Variants in ZNF480 observed in about 807,000 individuals in gnomAD.
ZNF480 encodes the protein zinc finger protein 480.
A neutral mutation model predicts 14.4 loss-of-function variants in ZNF480; 15 were observed. That is an observed-to-expected ratio of 1.04 (90% confidence interval 0.70 to 1.60). The LOEUF is 1.60. ZNF480 is among the 40% of genes most tolerant of loss of function. ZNF480 has a pLI of 0.00. For synonymous variants in ZNF480, 218 were observed against 215.5 expected, an observed-to-expected ratio of 1.01 and a Z score of -0.10; for missense variants, 593 against 629.7, an observed-to-expected ratio of 0.94 and a Z score of 0.62.
chr19:52,303,418 A>G (rs1982788008), intron 2 of ZNF480, among the ~76,000 whole-genome samples: 2 of 152,210 alleles, frequency 1.3e-5, no homozygotes, highest in Admixed American at 1.3e-4. Flanking sequence ...GTGCCTTTGT[A>G]AGAGGGACAA....
intron 2 of ZNF480, among the ~76,000 whole-genome samples, chr19:52,313,272 G>T (rs1983378937): frequency 1.3e-5 from 2 of 151,510 alleles, no homozygotes; most frequent in Admixed American, 6.6e-5. Context: ...GAGTAGCTGG[G>T]ATTAACAGGT....
Position 52,323,494 on chromosome 19 carries a change from G to C in ZNF480, c.*636G>C, listed in dbSNP as rs1006400497. 1.3e-5 allele frequency: 2 copies of C among 151,938 alleles called. No homozygotes were observed. Among genetic ancestry groups the C allele is most frequent in the African/African-American group, 4.8e-5 (2 of 41,382 alleles). 9.4% of individuals were successfully genotyped at this position (151,938 alleles called of 1,614,324 possible). ...AATACCAAAACCTGACAGGCACAAT[G>C]AAAAAAGAAAACTTCAGGCTGGTAC... On this transcript the variant is annotated 3_prime_UTR_variant, in exon 5 of 5. Coordinates refer to ENST00000595962, the MANE Select transcript of ZNF480 (RefSeq NM_144684.4).
rs148271899 is a variant in ZNF480, at chr19:52,321,975, G to T, written c.725G>T (p.Arg242Leu). 1.2e-5 allele frequency: 20 copies of T among 1,612,154 alleles called. No homozygotes were observed. Among genetic ancestry groups the T allele is most frequent in the Middle Eastern group, 1.6e-4 (1 of 6,082 alleles). ...AATTCATGCGGCAAGGTCTTTAGTC[G>T]CAATTCACACCTTGCAGAACATTGT... ...KCNSCGKVFSRNSHLAEHCRI... is the reference protein window; with the variant it reads ...KCNSCGKVFSLNSHLAEHCRI... The change falls in exon 5 of 5, where the codon CGC becomes CTC. Residue 242 changes from arginine (R) to leucine (L), a missense_variant. Transcript: ENST00000595962.
In ZNF480 at chr19:52,322,227, A is replaced by G. The variant is rs753477467; in HGVS notation, c.977A>G (p.His326Arg). ...KCNECGKGFS[H>R]KSSLANHWRI... ...AATGAATGTGGTAAAGGCTTCAGTC[A>G]TAAGTCATCTCTAGCAAATCATTGG... The change falls in exon 5 of 5, where the codon CAT becomes CGT. Residue 326 changes from histidine to arginine, a missense_variant. Coordinates refer to ENST00000595962, the MANE Select transcript of ZNF480 (RefSeq NM_144684.4). 8 of 1,614,072 alleles carry G rather than the reference A, an allele frequency of 5.0e-6. No homozygotes were observed. The highest frequency in any genetic ancestry group is 5.9e-6 in the Non-Finnish European group (7 of 1,180,008).
intron 1 of ZNF480, 133 bp downstream of exon 1, chr19:52,297,356 C>T: frequency 2.6e-6 from 1 of 377,950 alleles, no homozygotes. Flanking sequence ...TCAGGCGTCT[C>T]CGTGAGAGTC....
At chr19:52,314,450 G>GC (rs1403446604) in intron 3 of ZNF480, among the ~76,000 whole-genome samples, 171 bp downstream of exon 3, 1 of 118,254 alleles carries the variant, frequency 8.5e-6, no homozygotes, top group African/African-American at 3.4e-5. Flanking sequence ...TTGCCAGCCT[G>GC]CCAACAGAGT....
chr19:52,316,281 C>T (rs1161886875), intron 4 of ZNF480, among the ~76,000 whole-genome samples: 1 of 150,684 alleles, frequency 6.6e-6, no homozygotes, highest in African/African-American at 2.4e-5. Flanking sequence ...GGCTGAAGTG[C>T]AGTGGCGCTA....
intron 4 of ZNF480, among the ~76,000 whole-genome samples, chr19:52,319,387 C>CA (rs1396710648): frequency 2.0e-5 from 3 of 152,274 alleles, no homozygotes; most frequent in Non-Finnish European, 4.4e-5. Context: ...TGATTTTAAG[C>CA]ACTTTCAATA....
At chr19:52,300,687 A>C in intron 2 of ZNF480, 1 of 860,234 alleles carries the variant, frequency 1.2e-6, no homozygotes, top group South Asian at 1.8e-5. Flanking sequence ...ACACAGACAC[A>C]AGAATAGAGT....
In ZNF480 at chr19:52,298,103, C is replaced by T. The variant is rs570505374; in HGVS notation, c.-20+880C>T. 2.0e-5 allele frequency among the ~76,000 whole-genome samples: 3 copies of T among 149,278 alleles called. No homozygotes were observed. In the South Asian group the frequency reaches 6.4e-4, roughly 32 times the overall value. On this transcript the variant is annotated intron_variant, in intron 1 of 4. Coordinates refer to ENST00000595962, the MANE Select transcript of ZNF480 (RefSeq NM_144684.4). ...GACAGCAAGATAGTGAGAGGGGCAG[C>T]AAAGTGGGAAGTTCCTCAGTTTGAG...
At position 52,324,728 on chromosome 19, in the gene ZNF480, T is replaced by C. The variant is rs1984010432; in HGVS notation, c.*1870T>C. On this transcript the variant is annotated 3_prime_UTR_variant, in exon 5 of 5. Transcript: ENST00000595962. ...TGGTGCTGGCATAACTGGCTAGCCA[T>C]ATGCAGGATATTGAAACTGGACCCC... 1 of 152,138 alleles carries C rather than the reference T, an allele frequency of 6.6e-6. No individual in the cohort carries two copies. The highest frequency in any genetic ancestry group is 2.4e-5 in the African/African-American group (1 of 41,434). 9.4% of individuals were successfully genotyped at this position (152,138 alleles called of 1,614,324 possible).
intron 2 of ZNF480, 52 bp from the exon 3 acceptor site, chr19:52,314,101 A>G (rs1293076831): frequency 6.6e-7 from 1 of 1,505,896 alleles, no homozygotes; most frequent in African/African-American, 1.4e-5. Flanking sequence ...ATTTTGAGTG[A>G]AGATTAATAC....
chr19:52,314,309 A>C, intron 3 of ZNF480, 30 bp downstream of exon 3: 1 of 1,483,888 alleles, frequency 6.7e-7, no homozygotes, highest in Non-Finnish European at 9.0e-7. Flanking sequence ...AGAAGCCGGG[A>C]TCTGCCCTTG....
chr19:52,323,365 G>A lies in ZNF480; in HGVS notation c.*507G>A, dbSNP rs932492591. 6.6e-6 allele frequency: 1 copy of A among 151,592 alleles called. No homozygotes were observed. The highest frequency in any genetic ancestry group is 6.6e-5 in the Admixed American group (1 of 15,128). 9.4% of individuals were successfully genotyped at this position (151,592 alleles called of 1,614,324 possible). ...AGACAGATTTATAGTTGAAGCCTACGAGATGTATAAAGAAAAGCTGTTACC... is the reference window on the plus strand; with the variant it reads ...AGACAGATTTATAGTTGAAGCCTACAAGATGTATAAAGAAAAGCTGTTACC... On this transcript the variant is annotated 3_prime_UTR_variant, in exon 5 of 5. Coordinates refer to ENST00000595962, the MANE Select transcript of ZNF480 (RefSeq NM_144684.4).
At chr19:52,313,579 A>G (rs1415169510) in intron 2 of ZNF480, among the ~76,000 whole-genome samples, 2 of 152,146 alleles carry the variant, frequency 1.3e-5, no homozygotes, top group South Asian at 2.1e-4. Flanking sequence ...AATAATAGCT[A>G]ATGCTTCTAT....
chr19:52,322,578 C>CA lies in ZNF480; in HGVS notation c.1329dup (p.Ala444SerfsTer15). The CA allele has an allele frequency of 4.3e-6, 7 of 1,614,068 alleles. No individual in the cohort carries two copies. The highest frequency in any genetic ancestry group is 5.9e-6 in the Non-Finnish European group (7 of 1,180,004). ...GCATTTAGTGAGTATTCAGGCCTTT[C>CA]AGCCCATCTTGTAATCCACACTGGA... is the stretch of plus-strand genomic sequence containing the variant. On this transcript the variant is annotated frameshift_variant, in exon 5 of 5. Coordinates refer to ENST00000595962, the MANE Select transcript of ZNF480 (RefSeq NM_144684.4). LOFTEE classifies it low-confidence loss of function (END_TRUNC).
At chr19:52,318,699 A>G (rs186107202) in intron 4 of ZNF480, among the ~76,000 whole-genome samples, 170 of 152,152 alleles carry the variant, frequency 1.1e-3, no homozygotes, top group Middle Eastern at 6.8e-3. Flanking sequence ...TGGGGTGTAA[A>G]GTAAGGGTTC....
chr19:52,311,332 T>G (rs1454316129), intron 2 of ZNF480, among the ~76,000 whole-genome samples: 1 of 151,812 alleles, frequency 6.6e-6, no homozygotes, highest in East Asian at 1.9e-4. Context: ...TTTTAAAATA[T>G]TATATATAAT....
chr19:52,322,110 A>G lies in ZNF480; in HGVS notation c.860A>G (p.Tyr287Cys), dbSNP rs748834654. 1.2e-6 allele frequency: 2 copies of G among 1,614,028 alleles called. No homozygotes were observed. Among genetic ancestry groups the G allele is most frequent in the South Asian group, 2.2e-5 (2 of 91,082 alleles). ...HQRIHTREKP[Y>C]ECNECGKVFS... ...AGAATTCATACCAGAGAGAAGCCGT[A>G]TGAATGTAATGAATGTGGTAAAGTC... Residue 287 changes from tyrosine (Y) to cysteine (C), a missense_variant, in exon 5 of 5, where the codon TAT (tyrosine) becomes TGT (cysteine). Transcript: ENST00000595962.
Sources: allele counts gnomAD v4.1 joint callset (sites outside exome capture counted in the v4.1 genomes callset), GRCh38; gene constraint gnomAD v4.1.1; transcripts MANE v1.5; gene names NCBI Gene and HGNC (gene_info 2026-07-23, HGNC 2026-07-21).